GALNT2: variants seen among roughly 807,000 people sequenced by gnomAD.
GALNT2 encodes the protein polypeptide N-acetylgalactosaminyltransferase 2, also known as UDP-GalNAc:polypeptide N-acetylgalactosaminyltransferase 2.
In GALNT2, 31 loss-of-function variants were observed where a neutral mutation model predicts 81.4. The observed-to-expected ratio is 0.38, with a 90% CI of 0.29 to 0.51. The LOEUF is 0.51. Among genes scored for constraint, GALNT2 ranks in the 20% least tolerant of loss-of-function variants. The probability of loss-of-function intolerance (pLI) is 0.87; values close to 1 mark genes in which losing one functional copy is unlikely to be tolerated. For missense variants in GALNT2, 629 were observed against 765.7 expected (o/e 0.82, Z 2.11); for synonymous variants, 303 against 287.4 (o/e 1.05, Z -0.55).
intron 13 of GALNT2, chr1:230,263,249 G>A (rs769492082): frequency 1.1e-4 from 54 of 501,474 alleles, no homozygotes; most frequent in African/African-American, 6.9e-4. Context: ...GCAGTCCCCC[G>A]GGCCTCACCT....
chr1:230,069,924 G>C (rs1457984087), intron 1 of GALNT2, among the ~76,000 whole-genome samples: 1 of 152,174 alleles, frequency 6.6e-6, no homozygotes, highest in African/African-American at 2.4e-5. Context: ...CTAGGCTGCA[G>C]TATTGGGCTT....
chr1:230,106,012 T>C (rs1660533349), intron 1 of GALNT2, among the ~76,000 whole-genome samples: 1 of 152,246 alleles, frequency 6.6e-6, no homozygotes, highest in South Asian at 2.1e-4. Flanking sequence ...TTCATTTCTT[T>C]AGTCCGGTCT....
At chr1:230,067,464 C>T (rs2102738193) in intron 1 of GALNT2, 58 bp downstream of exon 1, 2 of 656,118 alleles carry the variant, frequency 3.0e-6, no homozygotes, top group East Asian at 4.5e-5. Flanking sequence ...CCCTGCGCCC[C>T]TGTCCCCTGC....
At chr1:230,113,443 T>C (rs1383800284) in intron 1 of GALNT2, among the ~76,000 whole-genome samples, 1 of 151,986 alleles carries the variant, frequency 6.6e-6, no homozygotes, top group Non-Finnish European at 1.5e-5. Context: ...TGGGAGCTGT[T>C]ATTGAGGAAC....
rs1666248972 is a variant in GALNT2, at chr1:230,275,004, T to TGCCACATATATACATATATACAC, written c.1560+455_1560+477dup. Among the ~76,000 whole-genome samples, 2 of 151,732 alleles carry TGCCACATATATACATATATACAC rather than the reference T, an allele frequency of 1.3e-5. No individual in the cohort carries two copies. Among genetic ancestry groups the TGCCACATATATACATATATACAC allele is most frequent in the South Asian group, 4.2e-4 (2 of 4,808 alleles). ...CATGCTACATATATACATATATACA[T>TGCCACATATATACATATATACAC]GCCACATATATACATATATACACGC... is the stretch of plus-strand genomic sequence containing the variant. On this transcript the variant is annotated intron_variant, in intron 15 of 15. Coordinates refer to ENST00000366672, the MANE Select transcript of GALNT2 (RefSeq NM_004481.5). This position sits in a 1 kb window ranked among gnomAD's most constrained non-coding sequence, Gnocchi z 5.5.
intron 15 of GALNT2, among the ~76,000 whole-genome samples, chr1:230,276,108 CATATAT>C (rs1425607352): frequency 6.6e-6 from 1 of 150,952 alleles, no homozygotes; most frequent in East Asian, 1.9e-4. Context: ...CACATATATA[CATATAT>C]AGACACCACA....
intron 2 of GALNT2, among the ~76,000 whole-genome samples, chr1:230,181,602 T>G (rs573227505): frequency 6.6e-5 from 10 of 152,214 alleles, no homozygotes; most frequent in African/African-American, 2.4e-4. Flanking sequence ...TTGGCCAGGC[T>G]GATCTTGAAC....
intron 1 of GALNT2, among the ~76,000 whole-genome samples, chr1:230,134,829 C>T (rs11122379): frequency 0.14 from 21,016 of 152,106 alleles, 1,508 homozygotes; most frequent in South Asian, 0.23. Context: ...GATTCCTCCC[C>T]GTGGACCCAG....
At chr1:230,166,127 T>TAA (rs3831028) in intron 1 of GALNT2, among the ~76,000 whole-genome samples, 26,640 of 149,264 alleles carry the variant, frequency 0.18, 2,387 homozygotes, top group South Asian at 0.21. Flanking sequence ...TTGTAATTAA[T>TAA]AAAAAAAAAA....
At chr1:230,072,130 T>C (rs1033590775) in intron 1 of GALNT2, among the ~76,000 whole-genome samples, 6 of 151,618 alleles carry the variant, frequency 4.0e-5, no homozygotes, top group Non-Finnish European at 7.4e-5. Flanking sequence ...GTCTCCTGTT[T>C]GGAACAGAGG....
chr1:230,245,965 G>A, intron 7 of GALNT2, 98 bp from the exon 8 acceptor site: 1 of 1,000,138 alleles, frequency 1.0e-6, no homozygotes, highest in Non-Finnish European at 1.6e-6. Flanking sequence ...GGCCAGTTGG[G>A]TTTGCCCTGT....
intron 1 of GALNT2, among the ~76,000 whole-genome samples, chr1:230,142,756 T>C (rs1318164832): frequency 2.6e-5 from 4 of 152,226 alleles, no homozygotes; most frequent in African/African-American, 7.2e-5. Flanking sequence ...GCTGTCTGCA[T>C]ACTTGCTGGT....
chr1:230,178,079 A>G, intron 1 of GALNT2, 139 bp from the exon 2 acceptor site: 1 of 563,578 alleles, frequency 1.8e-6, no homozygotes, highest in Non-Finnish European at 3.1e-6. Flanking sequence ...GGGGTCTTTA[A>G]GATGTGCCCT....
At chr1:230,262,309 C>T (rs1231552583) in intron 11 of GALNT2, 2 of 444,596 alleles carry the variant, frequency 4.5e-6, no homozygotes, top group Non-Finnish European at 8.0e-6. Flanking sequence ...GTAATTTCCA[C>T]TTTGCCTTTT....
chr1:230,198,055 G>C (rs894413596), intron 2 of GALNT2, among the ~76,000 whole-genome samples: 1 of 152,230 alleles, frequency 6.6e-6, no homozygotes, highest in Admixed American at 6.5e-5. Flanking sequence ...GTATCGGCAC[G>C]CAGCGATGAG....
intron 1 of GALNT2, among the ~76,000 whole-genome samples, chr1:230,166,108 A>G (rs1325303775): frequency 1.0e-4 from 15 of 145,656 alleles, no homozygotes; most frequent in Non-Finnish European, 2.1e-4. Flanking sequence ...TCCTTTGTGA[A>G]AGAACAATTT....
chr1:230,062,180 T>C (rs1243798181), intron 1 of GALNT2, among the ~76,000 whole-genome samples: 6 of 152,224 alleles, frequency 3.9e-5, no homozygotes, highest in African/African-American at 9.6e-5. Context: ...TCTTTCCATA[T>C]GTTTATGGAC....
intron 1 of GALNT2, among the ~76,000 whole-genome samples, chr1:230,130,763 A>G (rs1156886109): frequency 6.6e-6 from 1 of 152,230 alleles, no homozygotes; most frequent in Admixed American, 6.5e-5. Context: ...CTGTATGTTC[A>G]GTCAAGCTTG....
At chr1:230,254,170 C>T (rs1036731170) in intron 10 of GALNT2, among the ~76,000 whole-genome samples, 10 of 152,062 alleles carry the variant, frequency 6.6e-5, no homozygotes, top group Non-Finnish European at 1.0e-4. Flanking sequence ...TCAGTCGGAC[C>T]CCTGACTCAG....
Sources: allele counts gnomAD v4.1 joint callset (sites outside exome capture counted in the v4.1 genomes callset), GRCh38; gene constraint gnomAD v4.1.1; non-coding constraint Gnocchi (gnomAD v3.1); transcripts MANE v1.5; gene names NCBI Gene and HGNC (gene_info 2026-07-23, HGNC 2026-07-21).